PTPRR: variants seen among roughly 807,000 people sequenced by gnomAD.
PTPRR encodes the protein protein tyrosine phosphatase receptor type R, also known as receptor-type tyrosine-protein phosphatase R.
PTPRR carries 38 observed loss-of-function variants against 77.2 expected under a neutral mutation model. The observed-to-expected ratio is 0.49, with a 90% CI of 0.38 to 0.65. The LOEUF (loss-of-function observed/expected upper bound fraction) is 0.65. Among genes scored for constraint, PTPRR ranks in the 30% least tolerant of loss-of-function variants. The pLI is 0.00. For missense variants in PTPRR, 744 were observed against 799.2 expected, an observed-to-expected ratio of 0.93 and a Z score of 0.83; for synonymous variants, 299 against 283.1, an observed-to-expected ratio of 1.06 and a Z score of -0.57.
At chr12:70,725,921 C>T (rs1036266992) in intron 6 of PTPRR, among the ~76,000 whole-genome samples, 10 of 152,162 alleles carry the variant, frequency 6.6e-5, no homozygotes, top group African/African-American at 1.9e-4. Flanking sequence ...TGTCTCTCTT[C>T]GCTAAGGAGG....
intron 2 of PTPRR, among the ~76,000 whole-genome samples, chr12:70,803,326 G>A (rs1891649545): frequency 6.6e-6 from 1 of 152,144 alleles, no homozygotes; most frequent in South Asian, 2.1e-4. Flanking sequence ...GTTAGCACCT[G>A]CAGATCACAG....
At chr12:70,658,934 C>G (rs981107478) in intron 12 of PTPRR, among the ~76,000 whole-genome samples, 6 of 102,450 alleles carry the variant, frequency 5.9e-5, no homozygotes, top group African/African-American at 7.5e-5. Flanking sequence ...GAGTCTTTCT[C>G]TGTCGCACAG....
At chr12:70,783,047 T>C (rs542245449) in intron 2 of PTPRR, among the ~76,000 whole-genome samples, 1 of 152,224 alleles carries the variant, frequency 6.6e-6, no homozygotes, top group Non-Finnish European at 1.5e-5. Context: ...ACATGAGCTA[T>C]TGATAAGGGA....
intron 2 of PTPRR, among the ~76,000 whole-genome samples, chr12:70,868,973 G>T: frequency 7.2e-6 from 1 of 139,402 alleles, no homozygotes. Flanking sequence ...TCATAGGTGG[G>T]AATTGAGCAA....
chr12:70,854,222 A>G (rs759666879), intron 2 of PTPRR, among the ~76,000 whole-genome samples: 1 of 152,196 alleles, frequency 6.6e-6, no homozygotes, highest in Non-Finnish European at 1.5e-5. Context: ...TGGGAATCAC[A>G]TTCAACTTCT....
Position 70,709,298 on chromosome 12 carries a change from G to A in PTPRR, c.1008-7975C>T, listed in dbSNP as rs538933454. ...ATGTTAAAAACTCTTAATAAACTAG[G>A]TACTAAAGGAGCATACCTCAAAATA... On this transcript the variant is annotated intron_variant, in intron 6 of 13. Transcript: ENST00000283228. 7.0e-4 allele frequency among the ~76,000 whole-genome samples: 107 copies of A among 152,110 alleles called. No homozygotes were observed. In the Middle Eastern group the frequency reaches 0.01, roughly 15 times the overall value.
chr12:70,686,170 T>A (rs989380987), intron 8 of PTPRR, among the ~76,000 whole-genome samples: 1 of 152,216 alleles, frequency 6.6e-6, no homozygotes, highest in Non-Finnish European at 1.5e-5. Context: ...TTCCCATATT[T>A]TTTTAGTAAC....
intron 2 of PTPRR, among the ~76,000 whole-genome samples, chr12:70,772,479 A>G (rs1891000256): frequency 6.6e-6 from 1 of 152,172 alleles, no homozygotes; most frequent in Non-Finnish European, 1.5e-5. Context: ...TGTACCTGCA[A>G]GTAGGTAATA....
chr12:70,684,307 T>C (rs765636634), intron 9 of PTPRR, 43 bp from the exon 10 acceptor site: 4 of 1,584,786 alleles, frequency 2.5e-6, no homozygotes, highest in Non-Finnish European at 3.4e-6. Context: ...TTTAAGTTCA[T>C]GCCTTGCAGT....
At chr12:70,890,375 A>C (rs1226055727) in intron 2 of PTPRR, among the ~76,000 whole-genome samples, 3 of 152,216 alleles carry the variant, frequency 2.0e-5, no homozygotes, top group Non-Finnish European at 4.4e-5. Flanking sequence ...TTGTGGATAA[A>C]TGCTCTTATG....
chr12:70,806,871 G>A (rs1891719555), intron 2 of PTPRR, among the ~76,000 whole-genome samples: 1 of 152,070 alleles, frequency 6.6e-6, no homozygotes, highest in South Asian at 2.1e-4. Flanking sequence ...TGTTCTATGT[G>A]GGGATAGTAC....
intron 7 of PTPRR, among the ~76,000 whole-genome samples, chr12:70,700,831 A>G (rs1029697718): frequency 4.6e-5 from 7 of 152,186 alleles, no homozygotes; most frequent in African/African-American, 1.7e-4. Flanking sequence ...GTTAAACTGA[A>G]CAGTTTAATT....
At chr12:70,759,819 G>T (rs962372596) in intron 4 of PTPRR, among the ~76,000 whole-genome samples, 1 of 151,546 alleles carries the variant, frequency 6.6e-6, no homozygotes, top group Non-Finnish European at 1.5e-5. Context: ...AACTAGGAAA[G>T]TGTTGTTCAA....
intron 2 of PTPRR, among the ~76,000 whole-genome samples, chr12:70,781,030 G>A (rs1194025710): frequency 6.6e-6 from 1 of 152,188 alleles, no homozygotes; most frequent in Non-Finnish European, 1.5e-5. Flanking sequence ...CTTGAAGGAG[G>A]TGCAGTCATA....
chr12:70,835,794 A>T (rs1252590810), intron 2 of PTPRR, among the ~76,000 whole-genome samples: 1 of 152,158 alleles, frequency 6.6e-6, no homozygotes, highest in Non-Finnish European at 1.5e-5. Context: ...TAAACATTTC[A>T]TTATAAACAT....
At chr12:70,768,200 C>T (rs1405478875) in intron 2 of PTPRR, among the ~76,000 whole-genome samples, 4 of 151,864 alleles carry the variant, frequency 2.6e-5, no homozygotes, top group Admixed American at 6.6e-5. Flanking sequence ...CACAAAAAAC[C>T]CTTCAAAAAA....
chr12:70,798,622 C>T (rs1891557214), intron 2 of PTPRR, among the ~76,000 whole-genome samples: 1 of 152,114 alleles, frequency 6.6e-6, no homozygotes, highest in African/African-American at 2.4e-5. Flanking sequence ...TGTCCTGGCT[C>T]TTCCTTCTGT....
At chr12:70,639,590 G>T in intron 13 of PTPRR, 1 of 890,938 alleles carries the variant, frequency 1.1e-6, no homozygotes. Context: ...GCCAAGGTGA[G>T]TTCAAATCCC....
At chr12:70,843,808 ATTTTTTTTTTT>A (rs201003875) in intron 2 of PTPRR, among the ~76,000 whole-genome samples, 2,114 of 124,692 alleles carry the variant, frequency 0.017, 65 homozygotes, top group African/African-American at 0.057. Flanking sequence ...GTTGCTGAAA[ATTTTTTTTTTT>A]TTTTTTTTTT....
Sources: allele counts gnomAD v4.1 joint callset (sites outside exome capture counted in the v4.1 genomes callset), GRCh38; gene constraint gnomAD v4.1.1; transcripts MANE v1.5; gene names NCBI Gene and HGNC (gene_info 2026-07-23, HGNC 2026-07-21).